NKAIN3: variants seen among roughly 807,000 people sequenced by gnomAD.
The protein encoded by NKAIN3 is sodium/potassium transporting ATPase interacting 3, also known as sodium/potassium-transporting ATPase subunit beta-1-interacting protein 3.
NKAIN3 carries 25 observed loss-of-function variants against 30.2 expected under a neutral mutation model. That is an observed-to-expected ratio of 0.83 (90% CI 0.60 to 1.16). NKAIN3 has a LOEUF of 1.16. Among genes scored for constraint, NKAIN3 ranks in the 50% most tolerant of loss-of-function variants. The pLI, the probability that NKAIN3 is intolerant of heterozygous loss-of-function variation, is 0.00. For synonymous variants in NKAIN3, 91 were observed against 89.6 expected (o/e 1.02, Z -0.09); for missense variants, 225 against 254.1 (o/e 0.89, Z 0.78).
chr8:62,331,173 A>G (rs957996891), intron 1 of NKAIN3, among the ~76,000 whole-genome samples: 1 of 124,294 alleles, frequency 8.0e-6, no homozygotes, highest in African/African-American at 3.1e-5. Context: ...CCAAAGCCCT[A>G]TTGTATAGCC....
chr8:62,550,942 G>A (rs991536869), intron 1 of NKAIN3, among the ~76,000 whole-genome samples: 2 of 152,136 alleles, frequency 1.3e-5, no homozygotes, highest in Non-Finnish European at 2.9e-5. Flanking sequence ...GATCACCTCT[G>A]CCACTCTCTT....
Position 62,922,720 on chromosome 8 carries a change from A to C in NKAIN3, c.532+4207A>C, listed in dbSNP as rs183028979. Among the ~76,000 whole-genome samples, 156 of 152,182 alleles carry C rather than the reference A, an allele frequency of 1.0e-3. 1 individual carries two copies. Among genetic ancestry groups the C allele is most frequent in the African/African-American group, 3.7e-3 (153 of 41,470 alleles). ...ACATTTGCCTAATAAGCCATTAAGA[A>C]TCTACTGATTCTCACAGTGCATATA... On this transcript the variant is annotated intron_variant, in intron 5 of 6. Coordinates refer to ENST00000623646, the MANE Select transcript of NKAIN3 (RefSeq NM_001304533.3).
At chr8:62,508,369 A>G (rs563216527) in intron 1 of NKAIN3, among the ~76,000 whole-genome samples, 10 of 152,218 alleles carry the variant, frequency 6.6e-5, no homozygotes, top group African/African-American at 2.4e-4. Flanking sequence ...TCCACCTTGG[A>G]CATCACTCTT....
chr8:62,995,323 A>G (rs1181660802), intron 5 of NKAIN3, among the ~76,000 whole-genome samples: 2 of 152,234 alleles, frequency 1.3e-5, no homozygotes, highest in Non-Finnish European at 2.9e-5. Context: ...TCTGTACTTT[A>G]CAAGAGTTTA....
At chr8:62,742,639 C>T (rs187854318) in intron 3 of NKAIN3, among the ~76,000 whole-genome samples, 14 of 152,304 alleles carry the variant, frequency 9.2e-5, no homozygotes, top group African/African-American at 3.4e-4. Context: ...TGTCAACCTT[C>T]TCAACTGTGA....
chr8:62,811,255 T>A (rs1219484760), intron 4 of NKAIN3, among the ~76,000 whole-genome samples: 1 of 152,144 alleles, frequency 6.6e-6, no homozygotes, highest in East Asian at 1.9e-4. Flanking sequence ...CATAGCTTAT[T>A]TAAACAATTG....
chr8:62,856,493 C>A, intron 4 of NKAIN3: 2 of 785,032 alleles, frequency 2.5e-6, no homozygotes, highest in Non-Finnish European at 4.7e-6. Context: ...TGCTTCAAGT[C>A]AAGGAAGATA....
At chr8:62,749,222 C>T (rs1563544739) in intron 4 of NKAIN3, among the ~76,000 whole-genome samples, 2 of 152,150 alleles carry the variant, frequency 1.3e-5, no homozygotes. Context: ...CGCTTGGAAT[C>T]CAAAAGTCAT....
intron 4 of NKAIN3, among the ~76,000 whole-genome samples, chr8:62,797,493 C>T (rs1019206926): frequency 6.6e-6 from 1 of 152,166 alleles, no homozygotes. Context: ...ATGGAGTGCC[C>T]TTCCATTGTT....
Position 62,957,344 on chromosome 8 carries a change from C to T in NKAIN3, c.603+3372C>T, listed in dbSNP as rs188694044. Among the ~76,000 whole-genome samples, 800 of 152,290 alleles carry T rather than the reference C, an allele frequency of 5.3e-3. 9 individuals are homozygous for T. The highest frequency in any genetic ancestry group is 0.019 in the African/African-American group (778 of 41,560). ...AGAGACGGGGTTTCACCGTGTTAGCCAGGTTGGTCTCGATCTCCTGACCTT... is the reference window on the plus strand; with the variant it reads ...AGAGACGGGGTTTCACCGTGTTAGCTAGGTTGGTCTCGATCTCCTGACCTT... On this transcript the variant is annotated intron_variant, in intron 6 of 6. Coordinates refer to ENST00000623646, the MANE Select transcript of NKAIN3 (RefSeq NM_001304533.3).
intron 1 of NKAIN3, among the ~76,000 whole-genome samples, chr8:62,405,081 A>C (rs1340803505): frequency 6.6e-6 from 1 of 152,192 alleles, no homozygotes; most frequent in Non-Finnish European, 1.5e-5. Flanking sequence ...TAGGGGCCTC[A>C]GTACTCTGCC....
At chr8:62,528,530 C>T (rs1808388751) in intron 1 of NKAIN3, among the ~76,000 whole-genome samples, 2 of 151,552 alleles carry the variant, frequency 1.3e-5, no homozygotes, top group South Asian at 4.2e-4. Flanking sequence ...TTGTCATTGT[C>T]CCTAGTAATC....
chr8:62,798,776 A>G (rs2130687939), intron 4 of NKAIN3, among the ~76,000 whole-genome samples: 1 of 152,266 alleles, frequency 6.6e-6, no homozygotes, highest in South Asian at 2.1e-4. Flanking sequence ...TTTACAACAC[A>G]TAGCCCTAGC....
At chr8:62,680,012 G>A (rs1271458385) in intron 3 of NKAIN3, among the ~76,000 whole-genome samples, 1 of 152,184 alleles carries the variant, frequency 6.6e-6, no homozygotes, top group Non-Finnish European at 1.5e-5. Context: ...CTTCAGCTGG[G>A]AGGAGAGATT....
At chr8:62,395,760 G>A (rs1431084327) in intron 1 of NKAIN3, among the ~76,000 whole-genome samples, 1 of 152,098 alleles carries the variant, frequency 6.6e-6, no homozygotes, top group African/African-American at 2.4e-5. Context: ...CTTCTCTGAA[G>A]TGATAAGTAG....
At position 62,925,895 on chromosome 8, in the gene NKAIN3, C is replaced by T. The variant is rs1822427265; in HGVS notation, c.532+7382C>T. Among the ~76,000 whole-genome samples, 3 of 152,108 alleles carry T rather than the reference C, an allele frequency of 2.0e-5. No homozygotes were observed. In the South Asian group the frequency reaches 6.2e-4, roughly 32 times the overall value. On this transcript the variant is annotated intron_variant, in intron 5 of 6. Transcript: ENST00000623646. Reference sequence around the variant, plus strand: ...ATCAGCCTCAGCACTAAAACAGGCCCTCTACACGAATGCCTGCCCGCTCAG... The same window carrying T: ...ATCAGCCTCAGCACTAAAACAGGCCTTCTACACGAATGCCTGCCCGCTCAG...
chr8:62,570,191 C>T (rs1263013747), intron 1 of NKAIN3, among the ~76,000 whole-genome samples: 1 of 152,100 alleles, frequency 6.6e-6, no homozygotes, highest in Admixed American at 6.6e-5. Flanking sequence ...TCTTTCTTAG[C>T]TCTTCTTTGG....
chr8:62,834,698 G>T (rs1586249374), intron 4 of NKAIN3, among the ~76,000 whole-genome samples: 4 of 151,840 alleles, frequency 2.6e-5, no homozygotes, highest in African/African-American at 9.7e-5. Flanking sequence ...CAAACAAATG[G>T]AAAAACATTC....
At chr8:62,938,230 C>A (rs1397439801) in intron 5 of NKAIN3, among the ~76,000 whole-genome samples, 1 of 152,070 alleles carries the variant, frequency 6.6e-6, no homozygotes, top group Non-Finnish European at 1.5e-5. Context: ...TTTGTATCCT[C>A]CCTATACTAC....
Sources: allele counts gnomAD v4.1 joint callset (sites outside exome capture counted in the v4.1 genomes callset), GRCh38; gene constraint gnomAD v4.1.1; transcripts MANE v1.5; gene names NCBI Gene and HGNC (gene_info 2026-07-23, HGNC 2026-07-21).